TRAK1: variants seen among roughly 807,000 people sequenced by gnomAD.
TRAK1 encodes the protein trafficking kinesin-binding protein 1.
A neutral mutation model predicts 92.1 loss-of-function variants in TRAK1; 33 were observed. The ratio of observed to expected loss-of-function variants is 0.36; its 90% confidence interval spans 0.27 to 0.48. The LOEUF is 0.48. Ranked by LOEUF, TRAK1 falls within the 20% of genes least tolerant of loss-of-function variation. The pLI is 0.99. For missense variants in TRAK1, 1,123 were observed against 1,257.9 expected (o/e 0.89, Z 1.62); for synonymous variants, 521 against 517.3 (o/e 1.01, Z -0.10).
chr3:42,086,425 C>T (rs1320414555), upstream of TRAK1, among the ~76,000 whole-genome samples: 1 of 151,770 alleles, frequency 6.6e-6, no homozygotes. Flanking sequence ...CCTGCCTCAA[C>T]CTCCTGAGTA....
At chr3:42,162,683 A>G (rs2149308912) in intron 2 of TRAK1, among the ~76,000 whole-genome samples, 1 of 152,268 alleles carries the variant, frequency 6.6e-6, no homozygotes, top group Middle Eastern at 3.4e-3. Context: ...GTGGAGGGTG[A>G]CTGATTTTGT....
rs145839857 is a variant in TRAK1 at position 42,179,521 on chromosome 3, G to A, written c.363+2631G>A. On this transcript the variant is annotated intron_variant, in intron 3 of 15. Coordinates refer to ENST00000327628, the MANE Select transcript of TRAK1 (RefSeq NM_001042646.3). The stretch of plus-strand genomic sequence containing the variant: ...TTTGGGCAGAGCTTGCCTCCTCCTC[G>A]GTTACAGAGAGGGTGATTCCACTGG... Among the ~76,000 whole-genome samples the A allele has an allele frequency of 1.1e-3, 174 of 152,304 alleles. 1 individual carries two copies. Among genetic ancestry groups the A allele is most frequent in the African/African-American group, 3.8e-3 (159 of 41,564 alleles).
chr3:42,059,741 G>A (rs1703349067), intron 1 of TRAK1, among the ~76,000 whole-genome samples: 1 of 152,222 alleles, frequency 6.6e-6, no homozygotes, highest in Non-Finnish European at 1.5e-5. Context: ...ACAGCTAGCT[G>A]TGATGGAGGC....
upstream of TRAK1, among the ~76,000 whole-genome samples, chr3:42,013,628 A>T (rs1178451918): frequency 7.1e-6 from 1 of 141,828 alleles, no homozygotes; most frequent in Non-Finnish European, 1.5e-5. This position sits in a 1 kb window ranked among gnomAD's most constrained non-coding sequence, Gnocchi z 5.1. Flanking sequence ...CGCGGAGGGG[A>T]GGTGCAAGCC....
upstream of TRAK1, among the ~76,000 whole-genome samples, chr3:42,086,826 G>T (rs1704700979): frequency 6.6e-6 from 1 of 152,188 alleles, no homozygotes; most frequent in African/African-American, 2.4e-5. Context: ...CTGTGCTCCA[G>T]TGTGTTTCTT....
At chr3:42,099,961 G>A (rs1436606804) in intron 1 of TRAK1, among the ~76,000 whole-genome samples, 1 of 152,080 alleles carries the variant, frequency 6.6e-6, no homozygotes, top group East Asian at 1.9e-4. Context: ...GCCTGTCCAG[G>A]TGAGGATGCA....
chr3:42,097,881 T>C (rs2148998809), intron 1 of TRAK1, among the ~76,000 whole-genome samples: 1 of 152,360 alleles, frequency 6.6e-6, no homozygotes, highest in South Asian at 2.1e-4. Context: ...CAGAGTGTGC[T>C]CTGGGAAGGG....
chr3:42,158,217 A>G (rs1350590283), intron 2 of TRAK1, among the ~76,000 whole-genome samples: 2 of 152,216 alleles, frequency 1.3e-5, no homozygotes, highest in Non-Finnish European at 2.9e-5. Flanking sequence ...TAAATTTATT[A>G]TGAGTAAAGT....
At position 42,195,196 on chromosome 3, in the gene TRAK1, A is replaced by G. The variant is rs184172839; in HGVS notation, c.1113+255A>G. 3.5e-3 allele frequency among the ~76,000 whole-genome samples: 538 copies of G among 152,312 alleles called. 3 individuals are homozygous for G. The highest frequency in any genetic ancestry group is 0.034 in the Middle Eastern group (10 of 294). On this transcript the variant is annotated intron_variant, in intron 10 of 15. Transcript: ENST00000327628. Reference sequence around the variant, plus strand: ...CCATTAAAAGATAAATTTAGTAGGAACTTGCTTTAGTGGGAACCTGAGGTA... The same window carrying G: ...CCATTAAAAGATAAATTTAGTAGGAGCTTGCTTTAGTGGGAACCTGAGGTA...
At chr3:42,025,880 G>A (rs1356399108) in intron 1 of TRAK1, among the ~76,000 whole-genome samples, 3 of 152,174 alleles carry the variant, frequency 2.0e-5, no homozygotes. Flanking sequence ...CATATGGCAT[G>A]ATACTGTACA....
At chr3:42,122,934 C>A (rs1212107584) in intron 1 of TRAK1, among the ~76,000 whole-genome samples, 1 of 152,128 alleles carries the variant, frequency 6.6e-6, no homozygotes, top group Non-Finnish European at 1.5e-5. Context: ...GAGATAGAGT[C>A]CCCCCTCCAG....
At chr3:42,160,370 G>A (rs1364402074) in intron 2 of TRAK1, 10 of 1,614,080 alleles carry the variant, frequency 6.2e-6, no homozygotes, top group Middle Eastern at 1.6e-4. Context: ...CAATGTCCCT[G>A]CGAGACAAGG....
At chr3:42,180,241 A>G (rs978942047) in intron 3 of TRAK1, among the ~76,000 whole-genome samples, 1 of 152,118 alleles carries the variant, frequency 6.6e-6, no homozygotes, top group Non-Finnish European at 1.5e-5. Flanking sequence ...GTAACTTTTT[A>G]TTTTCAATTT....
At chr3:42,151,128 C>T (rs183501032) in intron 2 of TRAK1, among the ~76,000 whole-genome samples, 672 of 152,296 alleles carry the variant, frequency 4.4e-3, no homozygotes, top group Non-Finnish European at 8.0e-3. Context: ...TCAGAGGCCC[C>T]GTGGATTAGT....
chr3:42,034,591 C>T (rs1394142468), intron 1 of TRAK1, among the ~76,000 whole-genome samples: 3 of 152,150 alleles, frequency 2.0e-5, no homozygotes, highest in African/African-American at 4.8e-5. Flanking sequence ...GCATCTGGCT[C>T]CTGTTGTATT....
chr3:42,198,344 C>A (rs145397765), intron 10 of TRAK1, among the ~76,000 whole-genome samples: 1 of 152,284 alleles, frequency 6.6e-6, no homozygotes, highest in African/African-American at 2.4e-5. Context: ...ACCCACAAAG[C>A]TGGAGAGAGA....
chr3:42,078,376 G>C (rs1442130019), intron 1 of TRAK1, among the ~76,000 whole-genome samples: 1 of 152,178 alleles, frequency 6.6e-6, no homozygotes, highest in Non-Finnish European at 1.5e-5. Flanking sequence ...CCTTAAGATA[G>C]GGAGATTGTC....
intron 1 of TRAK1, among the ~76,000 whole-genome samples, chr3:42,045,540 ACCCC>A (rs1702719720): frequency 6.6e-6 from 1 of 151,896 alleles, no homozygotes; most frequent in African/African-American, 2.4e-5. Context: ...GCCTCAAAAA[ACCCC>A]AAAAAACATA....
In TRAK1 at chr3:42,193,219, G is replaced by GT; in HGVS notation, c.900+17dup. On this transcript the variant is annotated intron_variant, in intron 8 of 15. Coordinates refer to ENST00000327628, the MANE Select transcript of TRAK1 (RefSeq NM_001042646.3). ...AAGGCAAAAGCTGTAAGGCTTCTCT[G>GT]TTTATCTGGCTGATACAACAATGGC... The GT allele has an allele frequency of 6.2e-7, 1 of 1,613,532 alleles. No homozygotes were observed. The highest frequency in any genetic ancestry group is 2.2e-5 in the East Asian group (1 of 44,864).
Sources: gnomAD v4.1 joint callset for allele counts (sites outside exome capture counted in the v4.1 genomes callset) on GRCh38, gnomAD v4.1.1 for gene constraint, Gnocchi (gnomAD v3.1) non-coding constraint, MANE v1.5 for transcripts, NCBI Gene and HGNC (gene_info 2026-07-23, HGNC 2026-07-21) for gene names.